OSBPL5: variants seen among roughly 807,000 people sequenced by gnomAD.
OSBPL5 encodes the protein oxysterol binding protein like 5, also known as oxysterol-binding protein-related protein 5.
Under a neutral mutation model 111.2 loss-of-function variants are expected in OSBPL5, and 71 were observed. The ratio of observed to expected loss-of-function variants is 0.64; its 90% CI spans 0.53 to 0.78. OSBPL5 has a LOEUF of 0.78. Ranked by LOEUF, OSBPL5 falls within the 30% of genes least tolerant of loss-of-function variation. OSBPL5 has a pLI of 0.00. For synonymous variants in OSBPL5, 549 were observed against 513.9 expected (o/e 1.07, Z -0.93); for missense variants, 1,210 against 1,189.3 (o/e 1.02, Z -0.26).
chr11:3,100,084 C>G, intron 14 of OSBPL5, 74 bp downstream of exon 14: 2 of 1,315,264 alleles, frequency 1.5e-6, no homozygotes, highest in Non-Finnish European at 2.2e-6. Context: ...AAGCAAATAA[C>G]CAAAGGGTTT....
In OSBPL5 at chr11:3,104,258, T is replaced by C; in HGVS notation, c.1179A>G (p.Val393=). The part of the protein sequence containing the change: ...DLSRVVLPTF[V]LEPRSFLNKL... The stretch of plus-strand genomic sequence containing the variant: ...TGTTCAGGAAGGAGCGCGGCTCCAG[T>C]ACGAACGTGGGTAGCACCACGCGGG... The change falls in exon 10 of 22, where the codon GTA becomes GTG. Residue 393 remains valine, a synonymous_variant. Coordinates refer to ENST00000263650, the MANE Select transcript of OSBPL5 (RefSeq NM_020896.4). The surrounding 1 kb of genome is among the most constrained non-coding windows in gnomAD (Gnocchi z 5.0). 5 of 1,613,704 alleles carry C rather than the reference T, an allele frequency of 3.1e-6. No individual in the cohort carries two copies. The South Asian group carries it at 4.4e-5, about 14-fold the overall frequency.
Position 3,107,097 on chromosome 11 carries a change from G to A in OSBPL5, c.1059+166C>T, listed in dbSNP as rs1051241790. ...CCTCTTTGGAAGACGGGAGGAGCCTGTTTACCTAAAAGACAGCTCCTGGAC... is the reference window on the plus strand; with the variant it reads ...CCTCTTTGGAAGACGGGAGGAGCCTATTTACCTAAAAGACAGCTCCTGGAC... On this transcript the variant is annotated intron_variant, in intron 9 of 21. Transcript: ENST00000263650. The surrounding 1 kb of genome is among the most constrained non-coding windows in gnomAD (Gnocchi z 6.1). Among the ~76,000 whole-genome samples, 1 of 152,188 alleles carries A rather than the reference G, an allele frequency of 6.6e-6. No individual in the cohort carries two copies. The highest frequency in any genetic ancestry group is 2.4e-5 in the African/African-American group (1 of 41,450).
intron 10 of OSBPL5, among the ~76,000 whole-genome samples, chr11:3,103,881 T>TTCCTGCCTCTGC (rs1564830854): frequency 4.6e-4 from 23 of 49,822 alleles, no homozygotes; most frequent in Admixed American, 1.8e-3. Flanking sequence ...CCTGCCTCTG[T>TTCCTGCCTCTGC]AGCCCCATTC....
intron 10 of OSBPL5, among the ~76,000 whole-genome samples, chr11:3,103,859 C>CAGCCCCCTTCCTGCCTCT (rs1564830734): frequency 3.9e-4 from 16 of 40,610 alleles, no homozygotes; most frequent in South Asian, 2.8e-3. Context: ...TTCCAGTCTG[C>CAGCCCCCTTCCTGCCTCT]GCAGCCCCCT....
At chr11:3,088,958 A>AGGCCCT (rs937482834) in intron 21 of OSBPL5, among the ~76,000 whole-genome samples, 1 of 151,946 alleles carries the variant, frequency 6.6e-6, no homozygotes, top group Admixed American at 6.6e-5. Context: ...TCTGCTGTGG[A>AGGCCCT]GGCCCTGGCC....
rs1233763311 is a variant in OSBPL5 at position 3,103,694 on chromosome 11, TCCAG to T, written c.1245-378_1245-375del. ...CCCCTTCCAGTCTCTGCAGCCCCCT[TCCAG>T]CCTGCGTACCCCCTTCCAGGCTCTG... On this transcript the variant is annotated intron_variant, in intron 10 of 21. Coordinates refer to ENST00000263650, the MANE Select transcript of OSBPL5 (RefSeq NM_020896.4). Among the ~76,000 whole-genome samples, 303 of 121,392 alleles carry T rather than the reference TCCAG, an allele frequency of 2.5e-3. 5 individuals are homozygous for T. Among genetic ancestry groups the T allele is most frequent in the Non-Finnish European group, 3.9e-3 (228 of 57,746 alleles). The allele number at this position is 121,392 out of a possible 152,430, so 79.6% of individuals were successfully genotyped here. A position where few individuals can be genotyped will look rare whatever the true frequency, so the allele number is the denominator to read the frequency against.
chr11:3,129,308 G>A (rs1451236060), intron 1 of OSBPL5, 139 bp from the exon 2 acceptor site: 2 of 794,438 alleles, frequency 2.5e-6, no homozygotes, highest in Admixed American at 3.9e-5. Flanking sequence ...CTGGGCCCTG[G>A]GAGCCTGGTG....
chr11:3,154,822 G>A lies in OSBPL5; in HGVS notation c.-22+10394C>T, dbSNP rs889418657. Among the ~76,000 whole-genome samples the A allele has an allele frequency of 4.6e-5, 7 of 152,112 alleles. No individual in the cohort carries two copies. Among genetic ancestry groups the A allele is most frequent in the Non-Finnish European group, 1.0e-4 (7 of 68,024 alleles). ...CCCCTATATACCTAATGTAAATGAC[G>A]AGTTAATGGGTGCGGCACACCAACA... On this transcript the variant is annotated intron_variant, in intron 1 of 21. Coordinates refer to ENST00000263650, the MANE Select transcript of OSBPL5 (RefSeq NM_020896.4). This position sits in a 1 kb window ranked among gnomAD's most constrained non-coding sequence, Gnocchi z 4.9.
Position 3,102,261 on chromosome 11 carries a change from G to T in OSBPL5, c.1347C>A (p.Asn449Lys). 6.2e-7 allele frequency: 1 copy of T among 1,604,272 alleles called. No individual in the cohort carries two copies. Among genetic ancestry groups the T allele is most frequent in the Non-Finnish European group, 8.5e-7 (1 of 1,175,952 alleles). ...AGCGGAAGGTCTCCCCCAGGATGGG[G>T]TTGTACGGCTTCTTGATTCCCTGCA... ...KKPKGIKKPYNPILGETFRCC... is the reference protein window; with the variant it reads ...KKPKGIKKPYKPILGETFRCC... Residue 449 changes from asparagine to lysine, a missense_variant, in exon 12 of 22, where the codon AAC becomes AAA. Asn to Lys is a moderately conservative substitution (Grantham distance 94, BLOSUM62 0). Coordinates refer to ENST00000263650, the MANE Select transcript of OSBPL5 (RefSeq NM_020896.4).
At chr11:3,099,135 A>G (rs981209086) in intron 14 of OSBPL5, among the ~76,000 whole-genome samples, 1 of 152,222 alleles carries the variant, frequency 6.6e-6, no homozygotes, top group Non-Finnish European at 1.5e-5. Context: ...TGCCAAGTGA[A>G]AGACGCCAAT....
chr11:3,108,381 G>A (rs1857787504), intron 7 of OSBPL5, among the ~76,000 whole-genome samples: 1 of 152,190 alleles, frequency 6.6e-6, no homozygotes, highest in Non-Finnish European at 1.5e-5. Flanking sequence ...ACAGGTTTCT[G>A]CAGGTGGAGT....
chr11:3,089,881 G>A lies in OSBPL5; in HGVS notation c.2466C>T (p.Ile822=). Residue 822 remains isoleucine, a synonymous_variant, in exon 21 of 22, where the codon ATC becomes ATT. Transcript: ENST00000263650. ...CCTGCTGGGCCTCTCGGATGGAGAG[G>A]ATGGCCTCGTGCAGGGCCTGCAGCC... ...ARRLQALHEA[I]LSIREAQQEL... 6.4e-7 allele frequency: 1 copy of A among 1,565,738 alleles called. No individual in the cohort carries two copies. Among genetic ancestry groups the A allele is most frequent in the Non-Finnish European group, 8.7e-7 (1 of 1,155,678 alleles).
intron 7 of OSBPL5, among the ~76,000 whole-genome samples, chr11:3,118,000 G>A (rs1858269087): frequency 6.6e-6 from 1 of 152,126 alleles, no homozygotes. Context: ...CTCTTCATAG[G>A]ACATGAGACT....
At chr11:3,144,167 C>CA (rs1249283908) in intron 1 of OSBPL5, among the ~76,000 whole-genome samples, 1 of 152,138 alleles carries the variant, frequency 6.6e-6, no homozygotes, top group African/African-American at 2.4e-5. Flanking sequence ...CAGAAACACA[C>CA]AAAAAACCCA....
intron 1 of OSBPL5, among the ~76,000 whole-genome samples, chr11:3,131,107 G>A (rs1858808996): frequency 6.6e-6 from 1 of 152,112 alleles, no homozygotes; most frequent in South Asian, 2.1e-4. Flanking sequence ...AGCCTCAGCT[G>A]CCCTGTCTGG....
At chr11:3,123,749 G>T (rs1329690091) in intron 3 of OSBPL5, among the ~76,000 whole-genome samples, 4 of 152,264 alleles carry the variant, frequency 2.6e-5, no homozygotes, top group Non-Finnish European at 4.4e-5. Flanking sequence ...GTCTGCTGGG[G>T]CACCAGGTCC....
chr11:3,152,367 T>C (rs1350244632), intron 1 of OSBPL5, among the ~76,000 whole-genome samples: 1 of 152,222 alleles, frequency 6.6e-6, no homozygotes, highest in Non-Finnish European at 1.5e-5. Flanking sequence ...TTATTAAAGA[T>C]CTAGGTCTTA....
Position 3,104,044 on chromosome 11 carries a change from G to A in OSBPL5, c.1244+149C>T. 9.8e-7 allele frequency: 1 copy of A among 1,016,120 alleles called. No homozygotes were observed. Among genetic ancestry groups the A allele is most frequent in the East Asian group, 2.6e-5 (1 of 38,188 alleles). The allele number at this position is 1,016,120 out of a possible 1,614,324, so 62.9% of individuals were successfully genotyped here. A position where few individuals can be genotyped will look rare whatever the true frequency, so the allele number is the denominator to read the frequency against. On this transcript the variant is annotated intron_variant, in intron 10 of 21. Coordinates refer to ENST00000263650, the MANE Select transcript of OSBPL5 (RefSeq NM_020896.4). This position sits in a 1 kb window ranked among gnomAD's most constrained non-coding sequence, Gnocchi z 5.0. ...GCCCATCTTGGAGACAGGGCCCCCT[G>A]GGAGGCTACAGCTGCAGAAACAGTG... is the stretch of plus-strand genomic sequence containing the variant.
chr11:3,096,320 T>C (rs977423098), intron 14 of OSBPL5, among the ~76,000 whole-genome samples: 1 of 152,076 alleles, frequency 6.6e-6, no homozygotes, highest in Non-Finnish European at 1.5e-5. Context: ...GTGGCTATGG[T>C]TAAGAAGGGA....
Sources: allele counts gnomAD v4.1 joint callset (sites outside exome capture counted in the v4.1 genomes callset), GRCh38; gene constraint gnomAD v4.1.1; non-coding constraint Gnocchi (gnomAD v3.1); transcripts MANE v1.5; gene names NCBI Gene and HGNC (gene_info 2026-07-23, HGNC 2026-07-21).